APBB2: variants seen among roughly 807,000 people sequenced by gnomAD.
APBB2 encodes the protein amyloid beta precursor protein binding family B member 2, also known as Fe65-like 1.
Under a neutral mutation model 82.5 loss-of-function variants are expected in APBB2, and 38 were observed. The ratio of observed to expected loss-of-function variants is 0.46; its 90% CI spans 0.36 to 0.60. The LOEUF (loss-of-function observed/expected upper bound fraction) is 0.60, where lower values mean the gene tolerates loss of function less well. APBB2 is among the 20% of genes least tolerant of loss of function. The pLI is 0.00. For missense variants in APBB2, 772 were observed against 972.3 expected, an observed-to-expected ratio of 0.79 and a Z score of 2.74; for synonymous variants, 341 against 368.2, an observed-to-expected ratio of 0.93 and a Z score of 0.85.
At chr4:41,208,906 T>C (rs1204702080) in intron 1 of APBB2, among the ~76,000 whole-genome samples, 1 of 152,322 alleles carries the variant, frequency 6.6e-6, no homozygotes, top group African/African-American at 2.4e-5. Context: ...ATAAAATAAA[T>C]ATACGTCCAT....
At chr4:40,880,362 C>T (rs1459199635) in intron 12 of APBB2, 8 of 985,310 alleles carry the variant, frequency 8.1e-6, no homozygotes, top group Non-Finnish European at 4.8e-6. Context: ...AACCAAAAAT[C>T]TCAGGATGAT....
chr4:40,988,306 A>G (rs972456408), intron 6 of APBB2, among the ~76,000 whole-genome samples: 2 of 152,194 alleles, frequency 1.3e-5, no homozygotes, highest in African/African-American at 4.8e-5. Context: ...ATTAAAGTTT[A>G]CTACTTCCCA....
intron 3 of APBB2, among the ~76,000 whole-genome samples, chr4:41,076,984 A>G (rs1018926406): frequency 7.1e-6 from 1 of 140,804 alleles, no homozygotes; most frequent in Non-Finnish European, 1.5e-5. Context: ...AGTAGAACAA[A>G]AAGATAAAAG....
chr4:40,982,538 G>T (rs1396048519), intron 6 of APBB2, among the ~76,000 whole-genome samples: 1 of 151,658 alleles, frequency 6.6e-6, no homozygotes, highest in Non-Finnish European at 1.5e-5. Flanking sequence ...GGAGGTCAAG[G>T]CAGGTGGATT....
chr4:41,098,666 G>A (rs1381620328), intron 3 of APBB2, among the ~76,000 whole-genome samples: 1 of 152,138 alleles, frequency 6.6e-6, no homozygotes, highest in East Asian at 1.9e-4. Flanking sequence ...ATAATGTAAA[G>A]AAAATACTGC....
intron 3 of APBB2, among the ~76,000 whole-genome samples, chr4:41,091,894 C>G (rs534789298): frequency 1.3e-5 from 2 of 152,304 alleles, no homozygotes; most frequent in South Asian, 4.1e-4. Flanking sequence ...AGCAAGTTTT[C>G]TAACCACTCT....
At chr4:40,964,965 A>C (rs894739976) in intron 6 of APBB2, among the ~76,000 whole-genome samples, 7 of 152,042 alleles carry the variant, frequency 4.6e-5, no homozygotes, top group East Asian at 3.9e-4. Context: ...CTAAAAATAT[A>C]AAAAATTAGC....
At chr4:41,031,198 C>A (rs144998514) in intron 5 of APBB2, among the ~76,000 whole-genome samples, 1 of 152,012 alleles carries the variant, frequency 6.6e-6, no homozygotes, top group South Asian at 2.1e-4. Context: ...GCACTCCAGC[C>A]TGGGTGTCAG....
chr4:40,973,014 ACTGT>A lies in APBB2; in HGVS notation c.836-27945_836-27942del, dbSNP rs1226354027. On this transcript the variant is annotated intron_variant, in intron 6 of 17. Transcript: ENST00000508593. ...AGAACCAGTGGTATGTACAATAAAC[ACTGT>A]CTTACACATTAGATTCTTTCCTTCC... Among the ~76,000 whole-genome samples the A allele has an allele frequency of 2.6e-5, 4 of 152,320 alleles. No individual in the cohort carries two copies. The East Asian group carries it at 5.8e-4, about 22-fold the overall frequency.
intron 5 of APBB2, among the ~76,000 whole-genome samples, chr4:41,027,942 G>A (rs1198150858): frequency 2.0e-5 from 3 of 152,222 alleles, no homozygotes; most frequent in South Asian, 4.1e-4. Flanking sequence ...AATTCAAGAG[G>A]ATCGATTCCT....
chr4:41,157,714 C>T (rs1041047044), intron 1 of APBB2, among the ~76,000 whole-genome samples: 4 of 152,098 alleles, frequency 2.6e-5, no homozygotes, highest in Admixed American at 1.3e-4. Flanking sequence ...GACTCCAGGC[C>T]GCGCAGTGGC....
At position 40,950,137 on chromosome 4, in the gene APBB2, T is replaced by C. The variant is rs540274692; in HGVS notation, c.836-5064A>G. On this transcript the variant is annotated intron_variant, in intron 6 of 17. Transcript: ENST00000508593. Reference sequence around the variant, plus strand: ...ATGCCTCAAGTCACAACACAATAGATTTCCTTCCATACCTGTCAGCTCGGC... The same window carrying C: ...ATGCCTCAAGTCACAACACAATAGACTTCCTTCCATACCTGTCAGCTCGGC... 9.6e-4 allele frequency among the ~76,000 whole-genome samples: 146 copies of C among 152,308 alleles called. 2 individuals are homozygous for C. Among genetic ancestry groups the C allele is most frequent in the African/African-American group, 3.2e-3 (133 of 41,568 alleles).
intron 10 of APBB2, among the ~76,000 whole-genome samples, chr4:40,917,470 CAT>C (rs1210376330): frequency 6.6e-6 from 1 of 151,842 alleles, no homozygotes; most frequent in African/African-American, 2.4e-5. Context: ...TCAGGGTCCC[CAT>C]GTGTATTTTT....
At chr4:41,144,198 T>C (rs1760042863) in intron 1 of APBB2, among the ~76,000 whole-genome samples, 1 of 152,248 alleles carries the variant, frequency 6.6e-6, no homozygotes, top group African/African-American at 2.4e-5. Flanking sequence ...CACAGTTCTA[T>C]TTCTGTAAAT....
intron 1 of APBB2, among the ~76,000 whole-genome samples, chr4:41,173,031 C>T (rs1768755969): frequency 6.6e-6 from 1 of 152,176 alleles, no homozygotes; most frequent in Admixed American, 6.5e-5. Context: ...CTGTCATCTT[C>T]TCTTTCAAAA....
rs1182603842 is a variant in APBB2, at chr4:40,930,147, T to C, written c.1254+4309A>G. Among the ~76,000 whole-genome samples, 3 of 152,292 alleles carry C rather than the reference T, an allele frequency of 2.0e-5. No individual in the cohort carries two copies. In the East Asian group the frequency reaches 5.8e-4, roughly 29 times the overall value. On this transcript the variant is annotated intron_variant, in intron 10 of 17. Coordinates refer to ENST00000508593, the MANE Select transcript of APBB2 (RefSeq NM_004307.2). ...ATAAAGTTTATAGCAAATAATATGA[T>C]ATCAATATTAATGTCTTAGTTTTGA...
chr4:40,874,503 G>A (rs1258404811), intron 12 of APBB2, among the ~76,000 whole-genome samples: 1 of 152,134 alleles, frequency 6.6e-6, no homozygotes, highest in Non-Finnish European at 1.5e-5. Context: ...GAAGGCACAG[G>A]AGGCGGGGGC....
At chr4:41,006,928 A>C (rs1222314032) in intron 6 of APBB2, among the ~76,000 whole-genome samples, 1 of 152,206 alleles carries the variant, frequency 6.6e-6, no homozygotes, top group East Asian at 1.9e-4. Context: ...AGCCAGAAAT[A>C]AGAGGTGCTG....
At chr4:40,871,801 A>G (rs1218764145) in intron 12 of APBB2, among the ~76,000 whole-genome samples, 2 of 152,216 alleles carry the variant, frequency 1.3e-5, no homozygotes, top group Non-Finnish European at 2.9e-5. Flanking sequence ...ACTTTTAAGC[A>G]TCTAATATAA....
Sources: gnomAD v4.1 joint callset for allele counts (sites outside exome capture counted in the v4.1 genomes callset) on GRCh38, gnomAD v4.1.1 for gene constraint, MANE v1.5 for transcripts, NCBI Gene and HGNC (gene_info 2026-07-23, HGNC 2026-07-21) for gene names.